Variants in NAALADL2 observed in about 807,000 individuals in gnomAD.
The protein encoded by NAALADL2 is N-acetylated alpha-linked acidic dipeptidase like 2, also known as inactive N-acetylated-alpha-linked acidic dipeptidase-like protein 2.
In NAALADL2, 76 loss-of-function variants were observed where a neutral mutation model predicts 87.2. The ratio of observed to expected loss-of-function variants is 0.87; its 90% CI spans 0.72 to 1.05. The LOEUF is 1.05. Among genes scored for constraint, NAALADL2 ranks in the 50% least tolerant of loss-of-function variants. The pLI is 0.00. For synonymous variants in NAALADL2, 354 were observed against 331.0 expected (o/e 1.07, Z -0.75); for missense variants, 1,089 against 945.8 (o/e 1.15, Z -1.99).
At chr3:175,552,029 A>C (rs1365061267) in intron 9 of NAALADL2, among the ~76,000 whole-genome samples, 1 of 151,870 alleles carries the variant, frequency 6.6e-6, no homozygotes, top group African/African-American at 2.4e-5. Context: ...TTATTGATTT[A>C]TATTATCTAA....
intron 3 of NAALADL2, among the ~76,000 whole-genome samples, chr3:174,807,798 C>G (rs956962470): frequency 6.6e-6 from 1 of 151,424 alleles, no homozygotes; most frequent in Non-Finnish European, 1.5e-5. Context: ...TAAAATAAAT[C>G]TAAAAAGGAA....
intron 5 of NAALADL2, among the ~76,000 whole-genome samples, chr3:175,438,434 G>A (rs1306101266): frequency 2.6e-5 from 4 of 152,096 alleles, no homozygotes. Flanking sequence ...TTAATGGTCT[G>A]ATTTCTGTCA....
chr3:174,740,944 A>G (rs1322133659), intron 3 of NAALADL2, among the ~76,000 whole-genome samples: 1 of 151,774 alleles, frequency 6.6e-6, no homozygotes, highest in Non-Finnish European at 1.5e-5. Context: ...AATTTGATTT[A>G]TCTCAGAATG....
At chr3:175,199,834 A>G (rs1560152976) in intron 2 of NAALADL2, among the ~76,000 whole-genome samples, 3 of 10,224 alleles carry the variant, frequency 2.9e-4, no homozygotes, top group Non-Finnish European at 5.1e-4. Flanking sequence ...ATATATATAT[A>G]TATATATATA....
chr3:174,806,654 A>G (rs1378543293), intron 3 of NAALADL2, among the ~76,000 whole-genome samples: 1 of 152,232 alleles, frequency 6.6e-6, no homozygotes, highest in Non-Finnish European at 1.5e-5. Flanking sequence ...AATTACCTGG[A>G]ATGTGATTCA....
At chr3:174,786,967 A>T (rs932245902) in intron 3 of NAALADL2, among the ~76,000 whole-genome samples, 1 of 152,112 alleles carries the variant, frequency 6.6e-6, no homozygotes. Flanking sequence ...AAAAAAAATT[A>T]TACAAATCAG....
chr3:175,416,590 C>CT (rs925160865), intron 5 of NAALADL2, among the ~76,000 whole-genome samples: 4 of 151,996 alleles, frequency 2.6e-5, no homozygotes, highest in African/African-American at 9.7e-5. Flanking sequence ...GAAAAAAGGC[C>CT]TTTTTTACTT....
chr3:174,620,125 G>A (rs1054896433), intron 2 of NAALADL2, among the ~76,000 whole-genome samples: 1 of 151,854 alleles, frequency 6.6e-6, no homozygotes, highest in Non-Finnish European at 1.5e-5. Context: ...TAATCTCCTT[G>A]GTCATTTATT....
At chr3:175,158,221 C>A (rs1342306229) in intron 2 of NAALADL2, among the ~76,000 whole-genome samples, 1 of 152,150 alleles carries the variant, frequency 6.6e-6, no homozygotes, top group South Asian at 2.1e-4. Context: ...TATCACAGTG[C>A]TTTAGGCACA....
Position 174,966,160 on chromosome 3 carries a change from G to T in NAALADL2, c.43+106710G>T, listed in dbSNP as rs190948353. ...CTTTCCTCAGGTTTCCCCTACTACT[G>T]CCACATCAATCTTCTTAAAACACTT... On this transcript the variant is annotated intron_variant, in intron 1 of 13. Coordinates refer to ENST00000454872, the MANE Select transcript of NAALADL2 (RefSeq NM_207015.3). Among the ~76,000 whole-genome samples the T allele has an allele frequency of 1.1e-3, 160 of 152,172 alleles. 1 individual carries two copies. Among genetic ancestry groups the T allele is most frequent in the African/African-American group, 3.6e-3 (151 of 41,528 alleles).
intron 11 of NAALADL2, among the ~76,000 whole-genome samples, chr3:175,665,849 T>G (rs369672736): frequency 6.6e-6 from 1 of 152,198 alleles, no homozygotes; most frequent in African/African-American, 2.4e-5. Context: ...GAGAATCGCT[T>G]AAACCCAGGA....
Position 175,177,847 on chromosome 3 carries a change from A to G in NAALADL2, c.546-56084A>G, listed in dbSNP as rs76288610. ...GTGAGGTAGGGTACAGTGTGTGTGT[A>G]TGTGTGTGTGTGTGCATGCTGTAAG... On this transcript the variant is annotated intron_variant, in intron 2 of 13. Transcript: ENST00000454872. 3.4e-3 allele frequency among the ~76,000 whole-genome samples: 521 copies of G among 151,222 alleles called. 1 individual carries two copies. The highest frequency in any genetic ancestry group is 5.7e-3 in the Non-Finnish European group (383 of 67,702).
chr3:175,592,897 A>C (rs1721723571), intron 10 of NAALADL2, among the ~76,000 whole-genome samples: 3 of 150,280 alleles, frequency 2.0e-5, no homozygotes, highest in Admixed American at 2.0e-4. Flanking sequence ...AATAATAATA[A>C]AATAAAAAAA....
intron 2 of NAALADL2, among the ~76,000 whole-genome samples, chr3:174,623,962 G>A (rs529769113): frequency 1.3e-5 from 2 of 152,174 alleles, no homozygotes; most frequent in East Asian, 1.9e-4. Flanking sequence ...ATTTGGATTA[G>A]CATTATGTTT....
chr3:174,516,414 G>A (rs938951280), intron 1 of NAALADL2, among the ~76,000 whole-genome samples: 2 of 151,732 alleles, frequency 1.3e-5, no homozygotes, highest in Admixed American at 6.6e-5. Context: ...CTTTGACATC[G>A]GTACACACAG....
chr3:174,464,366 AGTT>A (rs1181888249), intron 1 of NAALADL2, among the ~76,000 whole-genome samples: 2 of 146,044 alleles, frequency 1.4e-5, no homozygotes, highest in African/African-American at 5.0e-5. Context: ...CATTTTTTAA[AGTT>A]GTTGGATTCA....
At chr3:175,206,287 T>TGC (rs1484604859) in intron 2 of NAALADL2, among the ~76,000 whole-genome samples, 6,831 of 126,522 alleles carry the variant, frequency 0.054, 732 homozygotes, top group African/African-American at 0.15. Flanking sequence ...TGTGTGTGTG[T>TGC]ATGTATGTGT....
At chr3:174,634,326 G>T (rs112179639) in intron 2 of NAALADL2, among the ~76,000 whole-genome samples, 2,784 of 152,200 alleles carry the variant, frequency 0.018, 85 homozygotes, top group African/African-American at 0.063. Context: ...ATCTTTGTGT[G>T]TGAAATGTCT....
intron 4 of NAALADL2, among the ~76,000 whole-genome samples, chr3:175,267,752 T>C (rs1410613415): frequency 6.6e-6 from 1 of 152,134 alleles, no homozygotes; most frequent in African/African-American, 2.4e-5. Flanking sequence ...TGTCCACATT[T>C]GTTTATACTT....
Sources: allele counts gnomAD v4.1 joint callset (sites outside exome capture counted in the v4.1 genomes callset), GRCh38; gene constraint gnomAD v4.1.1; transcripts MANE v1.5; gene names NCBI Gene and HGNC (gene_info 2026-07-23, HGNC 2026-07-21).